The following CFAP43 variants were observed in gnomAD, a reference collection of about 807,000 sequenced individuals.
CFAP43 encodes cilia and flagella associated protein 43.
CFAP43 carries 155 observed loss-of-function variants against 218.9 expected under a neutral mutation model. The observed-to-expected ratio is 0.71, with a 90% CI of 0.62 to 0.81. CFAP43 has a LOEUF of 0.81. CFAP43 is among the 30% of genes least tolerant of loss of function. The probability of loss-of-function intolerance (pLI) is 0.00; values close to 1 mark genes in which losing one functional copy is unlikely to be tolerated. For missense variants in CFAP43, 1,778 were observed against 1,954.3 expected (o/e 0.91, Z 1.70); for synonymous variants, 645 against 681.3 (o/e 0.95, Z 0.83).
At chr10:104,224,078 C>G (rs1430184353) in intron 3 of CFAP43, among the ~76,000 whole-genome samples, 3 of 152,162 alleles carry the variant, frequency 2.0e-5, no homozygotes, top group Non-Finnish European at 4.4e-5. Context: ...GAGTCTTGCT[C>G]TGTCGCCAAG....
chr10:104,166,813 T>A, intron 22 of CFAP43, 95 bp from the exon 23 acceptor site: 1 of 1,110,094 alleles, frequency 9.0e-7, no homozygotes, highest in Non-Finnish European at 1.3e-6. Context: ...ACAATCATTT[T>A]AATTTGTTGA....
intron 3 of CFAP43, among the ~76,000 whole-genome samples, 154 bp downstream of exon 3, chr10:104,225,307 A>G (rs965080441): frequency 1.3e-5 from 2 of 152,232 alleles, no homozygotes; most frequent in Non-Finnish European, 2.9e-5. Context: ...TTATGCCTAA[A>G]CATAGCAACT....
intron 27 of CFAP43, among the ~76,000 whole-genome samples, chr10:104,160,313 C>T (rs896130297): frequency 1.3e-5 from 2 of 152,032 alleles, no homozygotes; most frequent in Non-Finnish European, 2.9e-5. Flanking sequence ...TACAAGGGAC[C>T]CTACAGGGCC....
intron 15 of CFAP43, 27 bp downstream of exon 15, chr10:104,185,947 A>T: frequency 1.9e-6 from 3 of 1,601,746 alleles, no homozygotes; most frequent in Non-Finnish European, 2.6e-6. Flanking sequence ...TACACCCACA[A>T]TATTTTTTTT....
intron 8 of CFAP43, among the ~76,000 whole-genome samples, chr10:104,201,573 T>C (rs967646540): frequency 1.3e-5 from 2 of 152,192 alleles, no homozygotes; most frequent in African/African-American, 2.4e-5. Context: ...CTGGGTTATA[T>C]GAGATCCTTG....
chr10:104,172,591 A>G (rs1283675226), intron 19 of CFAP43, 56 bp from the exon 20 acceptor site: 1 of 1,439,542 alleles, frequency 6.9e-7, no homozygotes, highest in East Asian at 2.6e-5. Context: ...CTGTAATAAG[A>G]TAATTTTCTT....
chr10:104,141,258 T>TCCTA, intron 33 of CFAP43, among the ~76,000 whole-genome samples: 1 of 152,136 alleles, frequency 6.6e-6, no homozygotes, highest in East Asian at 1.9e-4. Context: ...TAAGAAAAGA[T>TCCTA]TGTATAATTT....
At chr10:104,214,137 ATGTGTG>A in intron 4 of CFAP43, 116 bp downstream of exon 4, 1 of 832,818 alleles carries the variant, frequency 1.2e-6, no homozygotes, top group Non-Finnish European at 1.8e-6. Context: ...ATGTGTGTGT[ATGTGTG>A]TGTATGCATA....
chr10:104,133,845 T>C (rs2087313684), intron 34 of CFAP43, 61 bp from the exon 35 acceptor site: 1 of 1,386,716 alleles, frequency 7.2e-7, no homozygotes, highest in Non-Finnish European at 9.7e-7. Context: ...CATAGAATAT[T>C]TGAGGCTGAA....
intron 29 of CFAP43, 44 bp downstream of exon 29, chr10:104,147,847 C>A: frequency 7.2e-7 from 1 of 1,383,158 alleles, no homozygotes; most frequent in South Asian, 1.3e-5. Flanking sequence ...AGGGGCATGT[C>A]TATCAGAAAA....
At chr10:104,149,908 G>A (rs112826983) in intron 28 of CFAP43, among the ~76,000 whole-genome samples, 1,865 of 152,134 alleles carry the variant, frequency 0.012, 29 homozygotes, top group Middle Eastern at 0.021. Flanking sequence ...TTCTTTAGCC[G>A]TCATTTCCCA....
chr10:104,172,487 A>G lies in CFAP43; in HGVS notation c.2509T>C (p.Leu837=). 1 of 1,606,708 alleles carries G rather than the reference A, an allele frequency of 6.2e-7. No individual in the cohort carries two copies. The highest frequency in any genetic ancestry group is 8.5e-7 in the Non-Finnish European group (1 of 1,178,080). The part of the protein sequence containing the change: ...ENDKLENIAK[L]DQQEFGLDLE... ...TCCAGACCAAATTCCTGTTGGTCTA[A>G]TTTTGCAATATTTTCTAGTTTGTCA... The change falls in exon 20 of 38, where the codon TTA becomes CTA. Residue 837 remains leucine (L), a synonymous_variant. Transcript: ENST00000357060.
intron 25 of CFAP43, 45 bp from the exon 26 acceptor site, chr10:104,162,086 T>A: frequency 6.3e-7 from 1 of 1,583,782 alleles, no homozygotes; most frequent in Non-Finnish European, 8.6e-7. Flanking sequence ...GACAGAGACC[T>A]GACATTCCAG....
intron 17 of CFAP43, among the ~76,000 whole-genome samples, chr10:104,181,260 C>A (rs1295864468): frequency 6.6e-6 from 1 of 152,140 alleles, no homozygotes; most frequent in Non-Finnish European, 1.5e-5. Context: ...TCCTCTCTCT[C>A]TATGTCCAAT....
intron 2 of CFAP43, among the ~76,000 whole-genome samples, chr10:104,227,759 C>G (rs1363327188): frequency 2.7e-5 from 4 of 146,502 alleles, no homozygotes; most frequent in Non-Finnish European, 6.0e-5. Context: ...ATATGTCTGT[C>G]TTTTCTAAGT....
chr10:104,195,095 C>A (rs770628572), intron 10 of CFAP43, among the ~76,000 whole-genome samples: 2 of 152,206 alleles, frequency 1.3e-5, no homozygotes, highest in African/African-American at 2.4e-5. Flanking sequence ...CTTATGTACC[C>A]TTGCAGGTAC....
chr10:104,207,626 C>T (rs1384230600), intron 6 of CFAP43, 39 bp downstream of exon 6: 1 of 1,574,346 alleles, frequency 6.4e-7, no homozygotes, highest in Non-Finnish European at 8.6e-7. Context: ...AACCAACACC[C>T]ATGGCTATAC....
intron 12 of CFAP43, 44 bp from the exon 13 acceptor site, chr10:104,188,454 G>A (rs375872313): frequency 4.8e-5 from 77 of 1,594,850 alleles, no homozygotes; most frequent in Non-Finnish European, 6.1e-5. Flanking sequence ...TCATTGATAA[G>A]TTTAAATGAT....
Position 104,187,353 on chromosome 10 carries a change from C to G in CFAP43, c.1827G>C (p.Val609=), listed in dbSNP as rs761775903. 5 of 1,608,426 alleles carry G rather than the reference C, an allele frequency of 3.1e-6. No homozygotes were observed. In the Admixed American group the frequency reaches 8.6e-5, roughly 28 times the overall value. The part of the protein sequence containing the change: ...SNQIYGFCSQ[V]PYICSYLLPE... ...GAAGAAGGTAGCTACAGATGTATGG[C>G]ACTTGACTACAGAAGCCATATATTT... The change falls in exon 14 of 38, where the codon GTG becomes GTC. Residue 609 remains valine, a synonymous_variant. Transcript: ENST00000357060.
Sources: gnomAD v4.1 joint callset for allele counts (sites outside exome capture counted in the v4.1 genomes callset) on GRCh38, gnomAD v4.1.1 for gene constraint, MANE v1.5 for transcripts, NCBI Gene and HGNC (gene_info 2026-07-23, HGNC 2026-07-21) for gene names.